The following KIAA0232 variants were observed in gnomAD, a reference collection of about 807,000 sequenced individuals.
The protein encoded by KIAA0232 is uncharacterized protein KIAA0232.
KIAA0232 carries 27 observed loss-of-function variants against 122.0 expected under a neutral mutation model. The ratio of observed to expected loss-of-function variants is 0.22; its 90% CI spans 0.16 to 0.31. The LOEUF (loss-of-function observed/expected upper bound fraction) is 0.31, where lower values mean the gene tolerates loss of function less well. Among genes scored for constraint, KIAA0232 ranks in the 10% least tolerant of loss-of-function variants. The probability of loss-of-function intolerance (pLI) is 1.00; values close to 1 mark genes in which losing one functional copy is unlikely to be tolerated. For missense variants in KIAA0232, 1,551 were observed against 1,634.2 expected (o/e 0.95, Z 0.88); for synonymous variants, 613 against 587.6 (o/e 1.04, Z -0.63).
chr4:6,862,940 C>T lies in KIAA0232; in HGVS notation c.2558C>T (p.Ala853Val). 1 of 1,614,172 alleles carries T rather than the reference C, an allele frequency of 6.2e-7. No individual in the cohort carries two copies. The highest frequency in any genetic ancestry group is 2.2e-5 in the East Asian group (1 of 44,890). ...IERTDAELFS[A>V]DVNNYCCCLD... The stretch of plus-strand genomic sequence containing the variant: ...AGAACTGATGCTGAGTTGTTTTCGG[C>T]AGATGTAAATAACTACTGCTGCTGT... Residue 853 changes from alanine (A) to valine (V), a missense_variant, in exon 7 of 10, where the codon GCA (alanine) becomes GTA (valine). Around this residue, in one of 5 missense-constraint regions of KIAA0232, gnomAD observed 1,108 missense variants for 1,154.8 expected, o/e 0.96. Coordinates refer to ENST00000307659, the MANE Select transcript of KIAA0232 (RefSeq NM_014743.3).
At position 6,863,953 on chromosome 4, in the gene KIAA0232, T is replaced by G. The variant is rs1182025615; in HGVS notation, c.3571T>G (p.Ser1191Ala). Residue 1191 changes from serine to alanine, a missense_variant, in exon 7 of 10, where the codon TCA becomes GCA. This residue lies in a region of KIAA0232 where 1,108 missense variants were observed against 1,154.8 expected (regional missense o/e 0.96). Transcript: ENST00000307659. Reference sequence around the variant, plus strand: ...TGGGATGGAAAAGAGTGCTCAGACATCACTGGATTCCCAGGAGGAATCAAC... The same window carrying G: ...TGGGATGGAAAAGAGTGCTCAGACAGCACTGGATTCCCAGGAGGAATCAAC... ...KSGMEKSAQT[S>A]LDSQEESTGI... The G allele has an allele frequency of 6.2e-7, 1 of 1,613,914 alleles. No individual in the cohort carries two copies. The highest frequency in any genetic ancestry group is 8.5e-7 in the Non-Finnish European group (1 of 1,179,986).
At chr4:6,792,800 C>A (rs1716963175) in intron 1 of KIAA0232, among the ~76,000 whole-genome samples, 1 of 151,718 alleles carries the variant, frequency 6.6e-6, no homozygotes, top group Admixed American at 6.6e-5. Context: ...CGCCATTCTC[C>A]TGCCTCAGCC....
intron 2 of KIAA0232, among the ~76,000 whole-genome samples, chr4:6,820,580 T>C (rs1217826803): frequency 1.3e-5 from 2 of 152,248 alleles, no homozygotes; most frequent in Non-Finnish European, 2.9e-5. Flanking sequence ...AATAGTATTC[T>C]TACATTTCCC....
intron 7 of KIAA0232, among the ~76,000 whole-genome samples, chr4:6,870,400 T>G (rs935929263): frequency 6.6e-5 from 10 of 152,230 alleles, no homozygotes; most frequent in Non-Finnish European, 1.5e-4. Flanking sequence ...TATTTTAAAT[T>G]TGAATCATGG....
In KIAA0232 at chr4:6,881,791, A is replaced by C. The variant is rs1053807221; in HGVS notation, c.*825A>C. On this transcript the variant is annotated 3_prime_UTR_variant, in exon 10 of 10. Transcript: ENST00000307659. ...TACGTGCTAAGGACCTTAGTTACAGATTGTTACTTTCTGGTGACCTATGTT... is the reference window on the plus strand; with the variant it reads ...TACGTGCTAAGGACCTTAGTTACAGCTTGTTACTTTCTGGTGACCTATGTT... The C allele has an allele frequency of 6.6e-6, 1 of 152,546 alleles. No individual in the cohort carries two copies. The highest frequency in any genetic ancestry group is 6.5e-5 in the Admixed American group (1 of 15,280). The allele number at this position is 152,546 out of a possible 1,614,324, so 9.4% of individuals were successfully genotyped here. A position where few individuals can be genotyped will look rare whatever the true frequency, so the allele number is the denominator to read the frequency against.
At chr4:6,879,655 A>T (rs1721948113) in intron 9 of KIAA0232, among the ~76,000 whole-genome samples, 1 of 152,140 alleles carries the variant, frequency 6.6e-6, no homozygotes, top group Non-Finnish European at 1.5e-5. Context: ...ACTGTGACTG[A>T]GGAGGGGCCA....
chr4:6,875,512 G>A (rs545990293), intron 8 of KIAA0232, among the ~76,000 whole-genome samples: 3 of 152,338 alleles, frequency 2.0e-5, no homozygotes, highest in East Asian at 3.9e-4. Flanking sequence ...TGCAGCTGCA[G>A]GAAGCAGCCC....
intron 1 of KIAA0232, among the ~76,000 whole-genome samples, chr4:6,785,915 C>G (rs566450598): frequency 6.6e-6 from 1 of 152,304 alleles, no homozygotes; most frequent in East Asian, 1.9e-4. Flanking sequence ...ATATTCTTTT[C>G]TCTTATTGGA....
chr4:6,783,877 G>T (rs977417828), intron 1 of KIAA0232, among the ~76,000 whole-genome samples: 2 of 152,204 alleles, frequency 1.3e-5, no homozygotes, highest in Non-Finnish European at 2.9e-5. Flanking sequence ...TCTGCAGCCG[G>T]CATTTCTAGA....
At chr4:6,859,678 G>A (rs1438861961) in intron 6 of KIAA0232, among the ~76,000 whole-genome samples, 1 of 152,134 alleles carries the variant, frequency 6.6e-6, no homozygotes, top group Non-Finnish European at 1.5e-5. Flanking sequence ...GGTCAACTCT[G>A]ACATAGACTG....
chr4:6,797,105 T>A (rs759902152), intron 1 of KIAA0232, among the ~76,000 whole-genome samples: 1 of 152,222 alleles, frequency 6.6e-6, no homozygotes, highest in African/African-American at 2.4e-5. Flanking sequence ...CCTCTGTATT[T>A]TATTATTTCA....
rs545552079 is a variant in KIAA0232, at chr4:6,855,844, C to T, written c.370-1320C>T. On this transcript the variant is annotated intron_variant, in intron 4 of 9. Transcript: ENST00000307659. This position sits in a 1 kb window ranked among gnomAD's most constrained non-coding sequence, Gnocchi z 4.3. ...TCAGCTGACACTGGTGTTGGTTTCA[C>T]GATCCGAAGGAAATGGAATATAATT... is the stretch of plus-strand genomic sequence containing the variant. The T allele has an allele frequency of 3.3e-5, 33 of 985,134 alleles. No individual in the cohort carries two copies. The highest frequency in any genetic ancestry group is 6.2e-5 in the Admixed American group (1 of 16,242). 61.0% of individuals were successfully genotyped at this position (985,134 alleles called of 1,614,324 possible).
chr4:6,789,275 CT>C (rs202133345), intron 1 of KIAA0232, among the ~76,000 whole-genome samples: 132 of 126,472 alleles, frequency 1.0e-3, no homozygotes, highest in Middle Eastern at 5.4e-3. Context: ...CCGGCCTTTT[CT>C]TTTTTTTTTT....
chr4:6,871,061 ACTT>A (rs2108829394), intron 7 of KIAA0232, among the ~76,000 whole-genome samples: 1 of 152,244 alleles, frequency 6.6e-6, no homozygotes, highest in South Asian at 2.1e-4. Context: ...CCATCTAAGT[ACTT>A]CTTAAGCAAT....
At position 6,876,769 on chromosome 4, in the gene KIAA0232, GTCCTCC is replaced by G; in HGVS notation, c.4008+18_4008+23del. 1 of 1,549,998 alleles carries G rather than the reference GTCCTCC, an allele frequency of 6.5e-7. No homozygotes were observed. Among genetic ancestry groups the G allele is most frequent in the Non-Finnish European group, 8.9e-7 (1 of 1,121,910 alleles). On this transcript the variant is annotated intron_variant, in intron 9 of 9. Coordinates refer to ENST00000307659, the MANE Select transcript of KIAA0232 (RefSeq NM_014743.3). ...TAGATTTTAATAGGGTAAGTGGACT[GTCCTCC>G]TCCTCGTCATTAACTTACAAACAGC...
At chr4:6,856,056 A>G (rs185377768) in intron 4 of KIAA0232, among the ~76,000 whole-genome samples, 1 of 152,334 alleles carries the variant, frequency 6.6e-6, no homozygotes, top group Non-Finnish European at 1.5e-5. Context: ...CGTGGACAGA[A>G]TGTAACTCTA....
chr4:6,783,400 T>C (rs182717287), intron 1 of KIAA0232, among the ~76,000 whole-genome samples: 196 of 152,262 alleles, frequency 1.3e-3, no homozygotes, highest in African/African-American at 4.7e-3. Flanking sequence ...CCGGGGCGGC[T>C]CTTCTAGGGG....
chr4:6,815,754 T>C (rs530681062), intron 2 of KIAA0232, among the ~76,000 whole-genome samples: 30 of 152,094 alleles, frequency 2.0e-4, no homozygotes, highest in African/African-American at 7.0e-4. Flanking sequence ...ACTATAGATA[T>C]AACCAGTTAT....
chr4:6,866,622 G>A (rs1721195322), intron 7 of KIAA0232, among the ~76,000 whole-genome samples: 1 of 152,178 alleles, frequency 6.6e-6, no homozygotes. Flanking sequence ...AATCTGGGAG[G>A]CCTGTTTAAA....
Sources: allele counts gnomAD v4.1 joint callset (sites outside exome capture counted in the v4.1 genomes callset), GRCh38; gene constraint gnomAD v4.1.1; regional missense constraint gnomAD v4.1.1; non-coding constraint Gnocchi (gnomAD v3.1); transcripts MANE v1.5; gene names NCBI Gene and HGNC (gene_info 2026-07-23, HGNC 2026-07-21).